The following DENND11 variants were observed in gnomAD, a reference collection of about 807,000 sequenced individuals.
The protein encoded by DENND11 is DENN domain-containing protein 11.
A neutral mutation model predicts 49.2 loss-of-function variants in DENND11; 34 were observed. That is an observed-to-expected ratio of 0.69 (90% CI 0.53 to 0.92). The LOEUF is 0.92. Among genes scored for constraint, DENND11 ranks in the 40% least tolerant of loss-of-function variants. The pLI is 0.00. For synonymous variants in DENND11, 238 were observed against 230.3 expected (o/e 1.03, Z -0.30); for missense variants, 475 against 581.6 (o/e 0.82, Z 1.88).
chr7:141,685,452 C>T (rs1228876914), intron 3 of DENND11, 26 bp downstream of exon 3: 1 of 1,611,748 alleles, frequency 6.2e-7, no homozygotes, highest in Admixed American at 1.7e-5. Context: ...CTGCTGCCTC[C>T]CTGCACATGT....
chr7:141,669,871 G>A (rs1193700007), intron 4 of DENND11, among the ~76,000 whole-genome samples: 7 of 142,344 alleles, frequency 4.9e-5, no homozygotes, highest in African/African-American at 1.6e-4. Context: ...GTGCAGTGGC[G>A]CAATCTCGGC....
chr7:141,688,860 GT>G (rs1413352637), intron 1 of DENND11, among the ~76,000 whole-genome samples: 1 of 152,182 alleles, frequency 6.6e-6, no homozygotes, highest in Non-Finnish European at 1.5e-5. Flanking sequence ...TTGGGCCTCT[GT>G]ATACACGCTC....
At chr7:141,700,552 A>G (rs1798494648) in intron 1 of DENND11, among the ~76,000 whole-genome samples, 2 of 152,026 alleles carry the variant, frequency 1.3e-5, no homozygotes, top group Non-Finnish European at 2.9e-5. Flanking sequence ...TGAAATGTCT[A>G]TTTCAGTTAC....
chr7:141,669,016 C>T (rs1005239405), intron 4 of DENND11, among the ~76,000 whole-genome samples: 3 of 152,186 alleles, frequency 2.0e-5, no homozygotes, highest in African/African-American at 7.2e-5. Context: ...ATAGCAGGCT[C>T]TGATAGACCC....
chr7:141,682,006 G>A (rs1202094853), intron 3 of DENND11, among the ~76,000 whole-genome samples: 1 of 152,194 alleles, frequency 6.6e-6, no homozygotes, highest in South Asian at 2.1e-4. Context: ...ATGAACTAGT[G>A]ACCATCCGTA....
At chr7:141,685,285 T>C (rs899147381) in intron 3 of DENND11, among the ~76,000 whole-genome samples, 193 bp downstream of exon 3, 9 of 152,230 alleles carry the variant, frequency 5.9e-5, no homozygotes, top group Middle Eastern at 3.4e-3. Flanking sequence ...GCTTTCATTA[T>C]AGAGTGAAGA....
At chr7:141,670,092 G>A (rs574187261) in intron 4 of DENND11, among the ~76,000 whole-genome samples, 2 of 150,928 alleles carry the variant, frequency 1.3e-5, no homozygotes, top group East Asian at 1.9e-4. Flanking sequence ...TTACAGGCGT[G>A]AGCCACCGCG....
intron 1 of DENND11, among the ~76,000 whole-genome samples, chr7:141,699,535 CT>C (rs1467830769): frequency 2.6e-5 from 4 of 152,136 alleles, no homozygotes; most frequent in African/African-American, 9.7e-5. Flanking sequence ...TAAAGGACTG[CT>C]TTCCCCCCAC....
chr7:141,687,909 C>T (rs112946237), intron 1 of DENND11, among the ~76,000 whole-genome samples: 1 of 152,112 alleles, frequency 6.6e-6, no homozygotes, highest in African/African-American at 2.4e-5. Flanking sequence ...GCTGGGATTA[C>T]AGGCGTGAGC....
chr7:141,682,628 T>G (rs1798164769), intron 3 of DENND11, among the ~76,000 whole-genome samples: 1 of 152,152 alleles, frequency 6.6e-6, no homozygotes. Context: ...TACGGTGGAA[T>G]AACAAGAGAT....
At chr7:141,667,795 C>A (rs1486387406) in intron 4 of DENND11, among the ~76,000 whole-genome samples, 1 of 152,158 alleles carries the variant, frequency 6.6e-6, no homozygotes, top group South Asian at 2.1e-4. Context: ...CTGCACTACC[C>A]GGAGAGGATT....
chr7:141,670,899 G>A (rs1488977263), intron 4 of DENND11, among the ~76,000 whole-genome samples: 1 of 152,150 alleles, frequency 6.6e-6, no homozygotes, highest in Non-Finnish European at 1.5e-5. Context: ...TACTACATGG[G>A]AACGTGAGCA....
intron 3 of DENND11, among the ~76,000 whole-genome samples, chr7:141,677,503 G>A (rs4726465): frequency 0.35 from 47,051 of 133,572 alleles, 9,367 homozygotes; most frequent in East Asian, 0.54. Flanking sequence ...GTGTGTGTGT[G>A]TATATATATA....
Position 141,666,661 on chromosome 7 carries a change from T to C in DENND11, c.682-236A>G, listed in dbSNP as rs184496075. Among the ~76,000 whole-genome samples the C allele has an allele frequency of 1.6e-3, 241 of 152,328 alleles. 1 individual carries two copies. The highest frequency in any genetic ancestry group is 2.3e-3 in the Non-Finnish European group (154 of 68,024). Reference sequence around the variant, plus strand: ...ACTGATGTTTGAGTTGAGTGATCATTATTTTACTCAGGAGAACAATGCAAA... The same window carrying C: ...ACTGATGTTTGAGTTGAGTGATCATCATTTTACTCAGGAGAACAATGCAAA... On this transcript the variant is annotated intron_variant, in intron 4 of 8. Coordinates refer to ENST00000536163, the MANE Select transcript of DENND11 (RefSeq NM_001080392.2).
rs1797751431 is a variant in DENND11 at position 141,659,278 on chromosome 7, G to A, written c.*3378C>T. 1 of 152,212 alleles carries A rather than the reference G, an allele frequency of 6.6e-6. No homozygotes were observed. The highest frequency in any genetic ancestry group is 2.4e-5 in the African/African-American group (1 of 41,452). The allele number at this position is 152,212 out of a possible 1,614,324, so 9.4% of individuals were successfully genotyped here. ...ATCATAATTTACTGAGGACTGTACA[G>A]GTCCCAGGTGGGACACTGACACTGG... On this transcript the variant is annotated 3_prime_UTR_variant, in exon 9 of 9. Coordinates refer to ENST00000536163, the MANE Select transcript of DENND11 (RefSeq NM_001080392.2).
intron 4 of DENND11, 36 bp from the exon 5 acceptor site, chr7:141,666,461 T>A: frequency 1.3e-6 from 2 of 1,523,456 alleles, no homozygotes; most frequent in Non-Finnish European, 1.8e-6. Flanking sequence ...GGAGAAAGAG[T>A]GAGGAACAGC....
intron 3 of DENND11, among the ~76,000 whole-genome samples, chr7:141,683,495 T>C (rs1459806211): frequency 6.6e-6 from 1 of 151,914 alleles, no homozygotes; most frequent in Non-Finnish European, 1.5e-5. Flanking sequence ...ATAAATAAAT[T>C]AGCCGGCTGT....
chr7:141,689,075 C>G (rs1172331553), intron 1 of DENND11, among the ~76,000 whole-genome samples: 1 of 152,138 alleles, frequency 6.6e-6, no homozygotes, highest in Non-Finnish European at 1.5e-5. Context: ...CCCAGCCTGC[C>G]CATGACTACT....
chr7:141,666,301 A>G lies in DENND11; in HGVS notation c.806T>C (p.Val269Ala), dbSNP rs1194221101. The change falls in exon 5 of 9, where the codon GTG becomes GCG. Residue 269 changes from valine (V) to alanine (A), a missense_variant. Val to Ala is a moderately conservative substitution (Grantham distance 64). Coordinates refer to ENST00000536163, the MANE Select transcript of DENND11 (RefSeq NM_001080392.2). Reference sequence around the variant, plus strand: ...CTTCTGGTTACCTCTATAGCACACCACGCCCACAGGTGGGGGAGAAAATAT... The same window carrying G: ...CTTCTGGTTACCTCTATAGCACACCGCGCCCACAGGTGGGGGAGAAAATAT... ...ILIFSPPPVG[V>A]VCYRVYCCCC... 1.2e-6 allele frequency: 2 copies of G among 1,612,430 alleles called. No individual in the cohort carries two copies. Among genetic ancestry groups the G allele is most frequent in the African/African-American group, 2.7e-5 (2 of 74,812 alleles).
Sources: gnomAD v4.1 joint callset for allele counts (sites outside exome capture counted in the v4.1 genomes callset) on GRCh38, gnomAD v4.1.1 for gene constraint, MANE v1.5 for transcripts, NCBI Gene and HGNC (gene_info 2026-07-23, HGNC 2026-07-21) for gene names.